TRAF3IP2: variants seen among roughly 807,000 people sequenced by gnomAD.
TRAF3IP2 encodes the protein TRAF3 interacting protein 2.
Under a neutral mutation model 57.9 loss-of-function variants are expected in TRAF3IP2, and 35 were observed. That is an observed-to-expected ratio of 0.60 (90% confidence interval 0.46 to 0.80). TRAF3IP2 has a LOEUF of 0.80. TRAF3IP2 is among the 30% of genes least tolerant of loss of function. TRAF3IP2 has a pLI of 0.00. For missense variants in TRAF3IP2, 556 were observed against 706.4 expected (o/e 0.79, Z 2.41); for synonymous variants, 251 against 268.9 (o/e 0.93, Z 0.65).
chr6:111,601,396 G>T, intron 1 of TRAF3IP2: 1 of 493,592 alleles, frequency 2.0e-6, no homozygotes, highest in Non-Finnish European at 3.7e-6. Context: ...TTGAAAACTG[G>T]TTGACAGAGC....
intron 3 of TRAF3IP2, among the ~76,000 whole-genome samples, chr6:111,579,766 A>T (rs1796100762): frequency 6.6e-6 from 1 of 152,240 alleles, no homozygotes; most frequent in Non-Finnish European, 1.5e-5. Context: ...TTAAATTTTG[A>T]TGGAAAATTA....
intron 2 of TRAF3IP2, among the ~76,000 whole-genome samples, chr6:111,587,623 T>C (rs1796379834): frequency 6.6e-6 from 1 of 152,048 alleles, no homozygotes; most frequent in African/African-American, 2.4e-5. Flanking sequence ...CTCCTCTTAA[T>C]TCCCTGCTCC....
intron 7 of TRAF3IP2, among the ~76,000 whole-genome samples, chr6:111,564,434 C>T (rs530419143): frequency 5.0e-4 from 76 of 152,246 alleles, no homozygotes; most frequent in African/African-American, 1.8e-3. Context: ...ACTAGGCTGC[C>T]CAGCCTGTGG....
At chr6:111,598,024 G>T (rs1005773298) in intron 1 of TRAF3IP2, 4 of 403,772 alleles carry the variant, frequency 9.9e-6, no homozygotes, top group African/African-American at 8.4e-5. Context: ...TGCTGGCAGT[G>T]CCCTGGGTCA....
chr6:111,605,613 T>G (rs1223346533), intron 1 of TRAF3IP2, among the ~76,000 whole-genome samples, 163 bp downstream of exon 1: 1 of 152,228 alleles, frequency 6.6e-6, no homozygotes, highest in Non-Finnish European at 1.5e-5. Context: ...ACTGTCATTT[T>G]CTCAGCTAAG....
intron 1 of TRAF3IP2, among the ~76,000 whole-genome samples, chr6:111,603,640 G>C (rs530978293): frequency 1.3e-5 from 2 of 152,240 alleles, no homozygotes; most frequent in East Asian, 3.9e-4. Flanking sequence ...AAGAATGCCT[G>C]CAGATATGAC....
intron 1 of TRAF3IP2, chr6:111,598,224 A>G (rs1796758374): frequency 5.1e-6 from 1 of 196,462 alleles, no homozygotes; most frequent in Non-Finnish European, 1.1e-5. Flanking sequence ...TCTCACAGGT[A>G]AACAGGTTCT....
chr6:111,592,052 G>A lies in TRAF3IP2; in HGVS notation c.35C>T (p.Ser12Leu), dbSNP rs758695030. ...NRSIPVEVDE[S>L]EPYPSQLLKP... ...CAGCAACTGACTTGGGTATGGTTCT[G>A]ATTCATCAACCTCCACAGGAATGCT... is the stretch of plus-strand genomic sequence containing the variant. Residue 12 changes from serine to leucine, a missense_variant, in exon 2 of 9, where the codon TCA becomes TTA. Physicochemically the swap from Ser to Leu is moderately radical, Grantham distance 145. Coordinates refer to ENST00000368761, the MANE Select transcript of TRAF3IP2 (RefSeq NM_147686.4). The A allele has an allele frequency of 1.9e-6, 3 of 1,614,092 alleles. No individual in the cohort carries two copies. Among genetic ancestry groups the A allele is most frequent in the Non-Finnish European group, 2.5e-6 (3 of 1,180,028 alleles).
chr6:111,566,115 T>A (rs1795627354), intron 7 of TRAF3IP2, among the ~76,000 whole-genome samples: 1 of 152,052 alleles, frequency 6.6e-6, no homozygotes, highest in Non-Finnish European at 1.5e-5. Context: ...CACCACCCCG[T>A]CTCCTGCCTC....
At position 111,583,411 on chromosome 6, in the gene TRAF3IP2, A is replaced by G. The variant is rs77241871; in HGVS notation, c.830-3022T>C. On this transcript the variant is annotated intron_variant, in intron 2 of 8. Transcript: ENST00000368761. ...GTAGGAGGTAAACAGTGGGTGAGTAAGTGAAGCTCTGTCTGTATTTACAAC... is the reference window on the plus strand; with the variant it reads ...GTAGGAGGTAAACAGTGGGTGAGTAGGTGAAGCTCTGTCTGTATTTACAAC... Among the ~76,000 whole-genome samples the G allele has an allele frequency of 1.7e-3, 252 of 152,312 alleles. 2 individuals carry two copies. The highest frequency in any genetic ancestry group is 5.5e-3 in the African/African-American group (227 of 41,570).
rs1426635007 is a variant in TRAF3IP2, at chr6:111,559,455, C to T, written c.1648G>A (p.Val550Met). 6.2e-7 allele frequency: 1 copy of T among 1,613,952 alleles called. No homozygotes were observed. Among genetic ancestry groups the T allele is most frequent in the African/African-American group, 1.3e-5 (1 of 74,940 alleles). ...GGCAGAGGCCCCCGTGGAGGAGCCA[C>T]ATACTCTTCCTCTCTCAGCAGCCGC... ...LLRLLREEEYVAPPRGPLPTL... is the reference protein window; with the variant it reads ...LLRLLREEEYMAPPRGPLPTL... Residue 550 changes from valine (V) to methionine (M), a missense_variant, in exon 9 of 9, where the codon GTG (valine) becomes ATG (methionine). Around this residue, in one of 2 missense-constraint regions of TRAF3IP2, gnomAD observed 128 missense variants for 207.7 expected, o/e 0.62. Transcript: ENST00000368761.
At chr6:111,601,695 C>T (rs1796869749) in intron 1 of TRAF3IP2, 1 of 152,464 alleles carries the variant, frequency 6.6e-6, no homozygotes, top group Non-Finnish European at 1.5e-5. Context: ...AGACACACAG[C>T]ATGAATATTT....
intron 5 of TRAF3IP2, among the ~76,000 whole-genome samples, chr6:111,571,863 C>T (rs1050825832): frequency 1.3e-5 from 2 of 148,596 alleles, no homozygotes; most frequent in Non-Finnish European, 3.0e-5. Context: ...TGCAGTGAGC[C>T]AAGATCACAC....
At position 111,565,642 on chromosome 6, in the gene TRAF3IP2, G is replaced by A. The variant is rs142726055; in HGVS notation, c.1476+802C>T. 7.4e-4 allele frequency among the ~76,000 whole-genome samples: 112 copies of A among 152,202 alleles called. 1 individual carries two copies. The highest frequency in any genetic ancestry group is 2.4e-3 in the African/African-American group (101 of 41,534). On this transcript the variant is annotated intron_variant, in intron 7 of 8. Transcript: ENST00000368761. ...TGTCTCACAGCGTCTCTATAATCACGGGGAGAAGGAGGATTCGTAGCCCAT... is the reference window on the plus strand; with the variant it reads ...TGTCTCACAGCGTCTCTATAATCACAGGGAGAAGGAGGATTCGTAGCCCAT...
At chr6:111,567,599 ACT>A (rs1187247685) in intron 6 of TRAF3IP2, 23 bp downstream of exon 6, 1 of 1,588,792 alleles carries the variant, frequency 6.3e-7, no homozygotes, top group Non-Finnish European at 8.6e-7. Context: ...CAGAAAACAA[ACT>A]CTGGTTTTTG....
At chr6:111,566,299 G>C in intron 7 of TRAF3IP2, 145 bp downstream of exon 7, 1 of 676,082 alleles carries the variant, frequency 1.5e-6, no homozygotes, top group Non-Finnish European at 2.6e-6. Context: ...AGAACCAACA[G>C]CTCCTCTCCT....
intron 3 of TRAF3IP2, among the ~76,000 whole-genome samples, chr6:111,577,412 C>CT (rs988060537): frequency 7.9e-5 from 12 of 151,894 alleles, no homozygotes; most frequent in Middle Eastern, 3.2e-3. Context: ...CTTCTTTTTT[C>CT]TTTTTTTTGA....
At chr6:111,604,022 A>G (rs1162664935) in intron 1 of TRAF3IP2, among the ~76,000 whole-genome samples, 1 of 152,194 alleles carries the variant, frequency 6.6e-6, no homozygotes, top group African/African-American at 2.4e-5. Flanking sequence ...TGAAAATAAA[A>G]TCAGGAACTC....
At chr6:111,598,015 G>A in intron 1 of TRAF3IP2, 2 of 415,978 alleles carry the variant, frequency 4.8e-6, no homozygotes, top group South Asian at 1.7e-5. Context: ...GAGCCCCCAT[G>A]CTGGCAGTGC....
Sources: allele counts gnomAD v4.1 joint callset (sites outside exome capture counted in the v4.1 genomes callset), GRCh38; gene constraint gnomAD v4.1.1; regional missense constraint gnomAD v4.1.1; transcripts MANE v1.5; gene names NCBI Gene and HGNC (gene_info 2026-07-23, HGNC 2026-07-21).